RCAN2: variants seen among roughly 807,000 people sequenced by gnomAD.
The protein encoded by RCAN2 is regulator of calcineurin 2, also known as calcipressin-2.
In RCAN2, 9 loss-of-function variants were observed where a neutral mutation model predicts 23.6. That is an observed-to-expected ratio of 0.38 (90% CI 0.23 to 0.67). RCAN2 has a LOEUF of 0.67. Among genes scored for constraint, RCAN2 ranks in the 30% least tolerant of loss-of-function variants. The pLI is 0.51. For missense variants in RCAN2, 273 were observed against 302.3 expected (o/e 0.90, Z 0.72); for synonymous variants, 109 against 115.7 (o/e 0.94, Z 0.37).
chr6:46,252,630 T>G (rs1454019216), intron 2 of RCAN2, among the ~76,000 whole-genome samples: 1 of 152,152 alleles, frequency 6.6e-6, no homozygotes, highest in Non-Finnish European at 1.5e-5. Flanking sequence ...AAGCCCTTTG[T>G]TTGTTAACAT....
rs536426080 is a variant in RCAN2 at position 46,465,638 on chromosome 6, G to T, written c.-2-8660C>A. 7.9e-5 allele frequency among the ~76,000 whole-genome samples: 12 copies of T among 152,298 alleles called. No homozygotes were observed. The East Asian group carries it at 2.3e-3, about 29-fold the overall frequency. The stretch of plus-strand genomic sequence containing the variant: ...GTAGTGCTACAAAGAGAGTGCCAGA[G>T]AAATAAATATCCCCAACTTGTTATC... On this transcript the variant is annotated intron_variant, in intron 1 of 4. Transcript: ENST00000371374.
intron 1 of RCAN2, among the ~76,000 whole-genome samples, chr6:46,457,334 A>G (rs1490304742): frequency 1.3e-5 from 2 of 152,206 alleles, no homozygotes. Flanking sequence ...TAGAACATCA[A>G]TTACATACAT....
intron 2 of RCAN2, among the ~76,000 whole-genome samples, chr6:46,262,864 A>G (rs1265132081): frequency 1.3e-5 from 2 of 152,110 alleles, no homozygotes; most frequent in Non-Finnish European, 2.9e-5. Flanking sequence ...TTCCGCCAGT[A>G]ACAGCCTTTT....
rs185136847 is a variant in RCAN2 at position 46,418,833 on chromosome 6, T to A, written c.225+37919A>T. 3.8e-3 allele frequency among the ~76,000 whole-genome samples: 576 copies of A among 151,414 alleles called. 2 individuals carry two copies. The highest frequency in any genetic ancestry group is 6.2e-3 in the Non-Finnish European group (421 of 67,908). On this transcript the variant is annotated intron_variant, in intron 2 of 4. Coordinates refer to ENST00000371374, the MANE Select transcript of RCAN2 (RefSeq NM_001251974.2). ...GGCCGGGCACAGTGGCTCATGACTGTAATCCCAGCACTTTGGGAAGCCGAG... is the reference window on the plus strand; with the variant it reads ...GGCCGGGCACAGTGGCTCATGACTGAAATCCCAGCACTTTGGGAAGCCGAG...
rs543397272 is a variant in RCAN2, at chr6:46,431,040, T to G, written c.225+25712A>C. On this transcript the variant is annotated intron_variant, in intron 2 of 4. Coordinates refer to ENST00000371374, the MANE Select transcript of RCAN2 (RefSeq NM_001251974.2). ...AGCAGAATATGGAAGCAGGAGGTGC[T>G]CTTGGAGGAACTTTCTGCTGGAAAG... 1.1e-4 allele frequency among the ~76,000 whole-genome samples: 17 copies of G among 152,252 alleles called. 1 individual carries two copies. The South Asian group carries it at 3.5e-3, about 32-fold the overall frequency.
At chr6:46,364,603 G>A (rs960253825) in intron 2 of RCAN2, among the ~76,000 whole-genome samples, 2 of 152,126 alleles carry the variant, frequency 1.3e-5, no homozygotes, top group African/African-American at 2.4e-5. Flanking sequence ...CCTAGGGGTC[G>A]TCTCACAAAT....
chr6:46,380,860 TA>T (rs1430747010), intron 2 of RCAN2, among the ~76,000 whole-genome samples: 1 of 151,942 alleles, frequency 6.6e-6, no homozygotes, highest in Non-Finnish European at 1.5e-5. Flanking sequence ...TATACTATTT[TA>T]AAATAAGGAT....
chr6:46,241,124 T>G (rs1766291884), intron 4 of RCAN2, among the ~76,000 whole-genome samples: 1 of 152,230 alleles, frequency 6.6e-6, no homozygotes, highest in African/African-American at 2.4e-5. Flanking sequence ...ACCTCTGATT[T>G]CCTGTCTAGT....
chr6:46,458,888 C>CGG (rs1158645841), intron 1 of RCAN2, among the ~76,000 whole-genome samples: 1 of 126,520 alleles, frequency 7.9e-6, no homozygotes, highest in Non-Finnish European at 1.8e-5. Flanking sequence ...CAGGAAAACG[C>CGG]GCGCGCACGT....
chr6:46,246,611 C>T (rs1159410354), intron 4 of RCAN2, 137 bp downstream of exon 4: 3 of 726,136 alleles, frequency 4.1e-6, no homozygotes, highest in East Asian at 5.8e-5. Flanking sequence ...CATTCCCTCT[C>T]ATTGTCCACA....
At chr6:46,399,984 C>A (rs1033130488) in intron 2 of RCAN2, among the ~76,000 whole-genome samples, 8 of 152,194 alleles carry the variant, frequency 5.3e-5, no homozygotes, top group Non-Finnish European at 1.5e-5. Context: ...GGTGGCTCAG[C>A]ACTCATGTGT....
At chr6:46,429,093 C>T (rs1282336443) in intron 2 of RCAN2, among the ~76,000 whole-genome samples, 1 of 152,096 alleles carries the variant, frequency 6.6e-6, no homozygotes, top group Non-Finnish European at 1.5e-5. Context: ...AAAAGATAAA[C>T]CACAGTGTAA....
intron 2 of RCAN2, among the ~76,000 whole-genome samples, chr6:46,456,186 C>T (rs973583828): frequency 2.0e-5 from 3 of 152,180 alleles, no homozygotes; most frequent in African/African-American, 7.2e-5. Context: ...TGAGGAGTTG[C>T]TGCTTCATTC....
chr6:46,380,452 C>G (rs1045563930), intron 2 of RCAN2, among the ~76,000 whole-genome samples: 2 of 152,156 alleles, frequency 1.3e-5, no homozygotes, highest in Non-Finnish European at 2.9e-5. Context: ...AGTTTTAGAT[C>G]AGTAGTTCTC....
chr6:46,437,938 A>C (rs1161059099), intron 2 of RCAN2, among the ~76,000 whole-genome samples: 2 of 152,208 alleles, frequency 1.3e-5, no homozygotes, highest in African/African-American at 4.8e-5. Context: ...GTCACCTTCC[A>C]AGGAAAGCAA....
Position 46,248,879 on chromosome 6 carries a change from C to A in RCAN2, c.243G>T (p.Leu81=), listed in dbSNP as rs766934770. The A allele has an allele frequency of 6.2e-7, 1 of 1,605,672 alleles. No individual in the cohort carries two copies. Among genetic ancestry groups the A allele is most frequent in the South Asian group, 1.1e-5 (1 of 89,288 alleles). Residue 81 remains leucine (L), a synonymous_variant, in exon 3 of 5, where the codon CTG becomes CTT. Coordinates refer to ENST00000371374, the MANE Select transcript of RCAN2 (RefSeq NM_001251974.2). ...GEESKEKFEG[L]FRTYDDCVTF... is the part of the protein sequence containing the mutation. ...TCACACAGTCATCATAAGTCCGAAA[C>A]AGTCCCTCAAATTTTTCCTGATAAA...
intron 2 of RCAN2, among the ~76,000 whole-genome samples, chr6:46,359,078 T>C (rs1178182315): frequency 6.6e-6 from 1 of 152,198 alleles, no homozygotes; most frequent in African/African-American, 2.4e-5. Flanking sequence ...GCCTCACCTG[T>C]GGAGGTTCTG....
intron 1 of RCAN2, among the ~76,000 whole-genome samples, chr6:46,477,622 T>A (rs909376578): frequency 6.6e-6 from 1 of 152,186 alleles, no homozygotes; most frequent in South Asian, 2.1e-4. Context: ...TACCTATTAA[T>A]ACAAATATTA....
At chr6:46,295,816 T>C (rs1002715656) in intron 2 of RCAN2, among the ~76,000 whole-genome samples, 1 of 151,978 alleles carries the variant, frequency 6.6e-6, no homozygotes, top group African/African-American at 2.4e-5. Flanking sequence ...GTTTGAAGAT[T>C]CAGGAGAGTT....
Sources: allele counts gnomAD v4.1 joint callset (sites outside exome capture counted in the v4.1 genomes callset), GRCh38; gene constraint gnomAD v4.1.1; transcripts MANE v1.5; gene names NCBI Gene and HGNC (gene_info 2026-07-23, HGNC 2026-07-21).